Variants in UNC13C observed in about 807,000 individuals in gnomAD.
UNC13C encodes the protein protein unc-13 homolog C.
Under a neutral mutation model 245.4 loss-of-function variants are expected in UNC13C, and 174 were observed. The ratio of observed to expected loss-of-function variants is 0.71; its 90% CI spans 0.63 to 0.80. The LOEUF (loss-of-function observed/expected upper bound fraction) is 0.80. Ranked by LOEUF, UNC13C falls within the 30% of genes least tolerant of loss-of-function variation. The pLI is 0.00. For synonymous variants in UNC13C, 992 were observed against 895.1 expected, an observed-to-expected ratio of 1.11 and a Z score of -1.93; for missense variants, 2,829 against 2,602.9, an observed-to-expected ratio of 1.09 and a Z score of -1.89.
At chr15:54,381,424 T>C (rs1489178345) in intron 17 of UNC13C, among the ~76,000 whole-genome samples, 1 of 152,048 alleles carries the variant, frequency 6.6e-6, no homozygotes, top group East Asian at 1.9e-4. Flanking sequence ...CAAAATTGCT[T>C]TGGTTATACA....
intron 32 of UNC13C, among the ~76,000 whole-genome samples, 157 bp from the exon 33 acceptor site, chr15:54,626,671 C>T (rs1017179810): frequency 4.6e-5 from 7 of 152,078 alleles, no homozygotes; most frequent in Admixed American, 4.6e-4. Flanking sequence ...CATTCGCTTT[C>T]TAAGCCAAAT....
chr15:54,424,316 C>T (rs989054563), intron 19 of UNC13C, among the ~76,000 whole-genome samples: 5 of 151,900 alleles, frequency 3.3e-5, no homozygotes, highest in East Asian at 3.9e-4. Flanking sequence ...ACAAAAGAAA[C>T]TTGGGAAGGA....
intron 17 of UNC13C, among the ~76,000 whole-genome samples, chr15:54,371,148 A>G (rs2039477739): frequency 6.6e-6 from 1 of 152,040 alleles, no homozygotes. Context: ...GTATCCTTTA[A>G]TCAAGGTCTC....
At chr15:54,240,781 A>G (rs1223263162) in intron 7 of UNC13C, among the ~76,000 whole-genome samples, 2 of 152,196 alleles carry the variant, frequency 1.3e-5, no homozygotes, top group Non-Finnish European at 2.9e-5. Context: ...CCAATCTAGC[A>G]TCTAAATACC....
At chr15:53,843,119 T>C in the UNC13C span, among the ~76,000 whole-genome samples, 3 of 152,148 alleles carry the variant, frequency 2.0e-5, no homozygotes, top group African/African-American at 7.2e-5. Context: ...TTTCTATTTC[T>C]GAACAATGAA....
At chr15:53,950,827 CTG>C in the UNC13C span, among the ~76,000 whole-genome samples, 1 of 152,206 alleles carries the variant, frequency 6.6e-6, no homozygotes, top group Non-Finnish European at 1.5e-5. Flanking sequence ...GAAGACACAT[CTG>C]TGTTCAAAGA....
chr15:54,097,889 T>C (rs767013572), intron 2 of UNC13C, among the ~76,000 whole-genome samples: 1 of 152,242 alleles, frequency 6.6e-6, no homozygotes, highest in Non-Finnish European at 1.5e-5. Context: ...CATTTATACA[T>C]AGACTCTGGG....
the UNC13C span, among the ~76,000 whole-genome samples, chr15:53,877,888 T>G: frequency 1.8e-4 from 27 of 152,222 alleles, no homozygotes; most frequent in Non-Finnish European, 2.9e-5. Context: ...TACTATAGAT[T>G]CATTTGGACA....
intron 19 of UNC13C, among the ~76,000 whole-genome samples, chr15:54,463,352 C>T (rs1006140236): frequency 5.4e-5 from 8 of 147,232 alleles, no homozygotes; most frequent in African/African-American, 2.0e-4. Flanking sequence ...TCCCCTTCCA[C>T]ACTGTGGAAG....
intron 2 of UNC13C, among the ~76,000 whole-genome samples, chr15:54,051,800 G>C (rs979957786): frequency 1.4e-5 from 2 of 147,062 alleles, no homozygotes; most frequent in Non-Finnish European, 3.0e-5. Context: ...TTGGGTACAT[G>C]TGCACATTGT....
intron 19 of UNC13C, among the ~76,000 whole-genome samples, chr15:54,469,966 T>C (rs1023151865): frequency 2.6e-5 from 4 of 151,578 alleles, no homozygotes; most frequent in African/African-American, 9.7e-5. Flanking sequence ...TGTTTTATCA[T>C]AAAGTGATGT....
the UNC13C span, among the ~76,000 whole-genome samples, chr15:53,868,175 A>C: frequency 1.3e-5 from 2 of 152,142 alleles, no homozygotes; most frequent in Non-Finnish European, 2.9e-5. Flanking sequence ...GGAAATGGCC[A>C]GGGAGCTGCT....
chr15:54,554,783 A>G (rs1300975219), intron 28 of UNC13C, among the ~76,000 whole-genome samples: 1 of 151,962 alleles, frequency 6.6e-6, no homozygotes, highest in Admixed American at 6.6e-5. Context: ...TTTTTCTGCC[A>G]TCATTTCCCT....
intron 24 of UNC13C, among the ~76,000 whole-genome samples, chr15:54,517,225 C>T (rs1341452341): frequency 6.6e-6 from 1 of 151,900 alleles, no homozygotes; most frequent in East Asian, 1.9e-4. Flanking sequence ...CTCATATTTT[C>T]AGGAATTACA....
At chr15:54,388,806 T>C (rs1263431700) in intron 17 of UNC13C, among the ~76,000 whole-genome samples, 3 of 152,178 alleles carry the variant, frequency 2.0e-5, no homozygotes, top group Non-Finnish European at 2.9e-5. Context: ...TTCCATAATT[T>C]CGGCTGCCAC....
intron 4 of UNC13C, among the ~76,000 whole-genome samples, chr15:54,212,849 G>A (rs1467856088): frequency 6.6e-6 from 1 of 151,998 alleles, no homozygotes; most frequent in Non-Finnish European, 1.5e-5. Flanking sequence ...TTCAGTTCCA[G>A]CAACTGTACA....
intron 30 of UNC13C, among the ~76,000 whole-genome samples, chr15:54,620,476 G>A (rs1900725729): frequency 6.6e-6 from 1 of 152,124 alleles, no homozygotes; most frequent in African/African-American, 2.4e-5. Context: ...ATGGCCAGGT[G>A]CAGTACTTTG....
intron 30 of UNC13C, among the ~76,000 whole-genome samples, chr15:54,589,949 T>C (rs980406306): frequency 6.6e-6 from 1 of 152,226 alleles, no homozygotes; most frequent in Non-Finnish European, 1.5e-5. Flanking sequence ...TTAATCCATC[T>C]TGAGTTGATT....
chr15:54,509,754 T>A (rs886720191), intron 23 of UNC13C, among the ~76,000 whole-genome samples: 2 of 152,220 alleles, frequency 1.3e-5, no homozygotes, highest in African/African-American at 4.8e-5. Flanking sequence ...AAAAACTGTT[T>A]CATGATTAAA....
Sources: allele counts gnomAD v4.1 joint callset (sites outside exome capture counted in the v4.1 genomes callset), GRCh38; gene constraint gnomAD v4.1.1; transcripts MANE v1.5; gene names NCBI Gene and HGNC (gene_info 2026-07-23, HGNC 2026-07-21).